Variants in ADAMTSL1 observed in about 807,000 individuals in gnomAD.
The protein encoded by ADAMTSL1 is ADAMTS like 1, also known as ADAMTS-like protein 1.
ADAMTSL1 carries 126 observed loss-of-function variants against 201.8 expected under a neutral mutation model. That is an observed-to-expected ratio of 0.62 (90% confidence interval 0.54 to 0.72). The LOEUF is 0.72. ADAMTSL1 is among the 30% of genes least tolerant of loss of function. ADAMTSL1 has a pLI of 0.00. For synonymous variants in ADAMTSL1, 1,121 were observed against 903.4 expected, an observed-to-expected ratio of 1.24 and a Z score of -4.32; for missense variants, 2,679 against 2,277.8, an observed-to-expected ratio of 1.18 and a Z score of -3.59.
chr9:18,301,117 C>T (rs1418993435), intron 2 of ADAMTSL1, among the ~76,000 whole-genome samples: 1 of 152,028 alleles, frequency 6.6e-6, no homozygotes, highest in East Asian at 1.9e-4. Flanking sequence ...CTTATTTCAT[C>T]AATCCAAGAT....
At chr9:18,024,224 C>T (rs1218354260) in intron 1 of ADAMTSL1, among the ~76,000 whole-genome samples, 1 of 152,058 alleles carries the variant, frequency 6.6e-6, no homozygotes, top group Non-Finnish European at 1.5e-5. Context: ...TTTATATTAA[C>T]ATAAAAGGAA....
chr9:18,460,756 A>ACAACACTTT (rs1055103576), intron 2 of ADAMTSL1, among the ~76,000 whole-genome samples: 6 of 152,214 alleles, frequency 3.9e-5, no homozygotes, highest in Admixed American at 2.6e-4. Context: ...AGCCTCCAAG[A>ACAACACTTT]CAACACTTTT....
At chr9:18,005,992 G>A (rs950738892) in intron 1 of ADAMTSL1, among the ~76,000 whole-genome samples, 1 of 151,814 alleles carries the variant, frequency 6.6e-6, no homozygotes, top group Non-Finnish European at 1.5e-5. Context: ...TCATGTATGT[G>A]TGAATTCCTA....
rs568571985 is a variant in ADAMTSL1 at position 18,697,141 on chromosome 9, C to G, written c.1575-9606C>G. Among the ~76,000 whole-genome samples, 35 of 152,072 alleles carry G rather than the reference C, an allele frequency of 2.3e-4. 1 individual carries two copies. Among genetic ancestry groups the G allele is most frequent in the South Asian group, 2.1e-3 (10 of 4,806 alleles). ...TCGTGATCTGCCCACCTCAGCCCCC[C>G]CAAGTGCTGGGATTACAGGTGTGAG... On this transcript the variant is annotated intron_variant, in intron 13 of 28. Coordinates refer to ENST00000380548, the MANE Select transcript of ADAMTSL1 (RefSeq NM_001040272.6).
intron 26 of ADAMTSL1, among the ~76,000 whole-genome samples, chr9:18,896,695 C>G (rs2131584288): frequency 6.6e-6 from 1 of 152,304 alleles, no homozygotes; most frequent in East Asian, 1.9e-4. Context: ...ACCCAGGAAA[C>G]CACACTTCTC....
rs145488963 is a variant in ADAMTSL1, at chr9:18,554,164, G to GT, written c.238-19856dup. On this transcript the variant is annotated intron_variant, in intron 3 of 28. Transcript: ENST00000380548. ...TTATATCTGCATGTATATGAGTTCT[G>GT]TTTTTTTTTTAAATCTACATGATGA... Among the ~76,000 whole-genome samples, 118 of 145,918 alleles carry GT rather than the reference G, an allele frequency of 8.1e-4. 1 individual carries two copies. Among genetic ancestry groups the GT allele is most frequent in the South Asian group, 3.7e-3 (17 of 4,620 alleles).
At chr9:18,030,218 T>TA (rs1261344294) in intron 1 of ADAMTSL1, among the ~76,000 whole-genome samples, 1 of 149,914 alleles carries the variant, frequency 6.7e-6, no homozygotes, top group Admixed American at 6.7e-5. Flanking sequence ...TATGCAGCCA[T>TA]AAAAAATGAT....
chr9:18,461,416 A>C (rs1003243322), intron 2 of ADAMTSL1, among the ~76,000 whole-genome samples: 3 of 152,144 alleles, frequency 2.0e-5, no homozygotes, highest in African/African-American at 7.2e-5. Flanking sequence ...TGAAATATAT[A>C]TACATTATTG....
chr9:18,362,128 G>A (rs939022625), intron 2 of ADAMTSL1: 3 of 152,184 alleles, frequency 2.0e-5, no homozygotes, highest in African/African-American at 4.8e-5. Context: ...AACAGAAGAT[G>A]ACAGTTCTGA....
chr9:18,373,026 C>G (rs999241634), intron 2 of ADAMTSL1, among the ~76,000 whole-genome samples: 3 of 152,160 alleles, frequency 2.0e-5, no homozygotes, highest in African/African-American at 7.2e-5. Flanking sequence ...CTGAAGGAGG[C>G]TAGCCGCATG....
At chr9:18,906,121 G>A (rs770288335) in intron 27 of ADAMTSL1, among the ~76,000 whole-genome samples, 2 of 152,198 alleles carry the variant, frequency 1.3e-5, no homozygotes, top group Admixed American at 1.3e-4. Context: ...GTGATGAAGA[G>A]TGCAAGGGTG....
intron 1 of ADAMTSL1, among the ~76,000 whole-genome samples, chr9:17,907,977 C>T (rs1309279896): frequency 6.6e-6 from 1 of 152,098 alleles, no homozygotes; most frequent in Non-Finnish European, 1.5e-5. Flanking sequence ...GAGACTTGTC[C>T]AAATAGGGGG....
chr9:18,328,887 A>T (rs1355251870), intron 2 of ADAMTSL1, among the ~76,000 whole-genome samples: 1 of 152,200 alleles, frequency 6.6e-6, no homozygotes, highest in Non-Finnish European at 1.5e-5. Flanking sequence ...GGATGTCCTT[A>T]TGCTTTTAGT....
chr9:18,768,885 T>C (rs1341003121), intron 16 of ADAMTSL1, among the ~76,000 whole-genome samples: 1 of 152,182 alleles, frequency 6.6e-6, no homozygotes, highest in African/African-American at 2.4e-5. Context: ...AACATTCATT[T>C]GTAGAAGTGG....
intron 16 of ADAMTSL1, among the ~76,000 whole-genome samples, chr9:18,764,143 A>AT (rs1820233703): frequency 6.6e-6 from 1 of 152,214 alleles, no homozygotes; most frequent in Non-Finnish European, 1.5e-5. Flanking sequence ...ATATTTTTCC[A>AT]TTTTTTGATG....
At chr9:17,990,243 C>T (rs1231519128) in intron 1 of ADAMTSL1, among the ~76,000 whole-genome samples, 1 of 152,014 alleles carries the variant, frequency 6.6e-6, no homozygotes, top group East Asian at 1.9e-4. Context: ...TTTTATGTAG[C>T]AAGCTCGACC....
chr9:18,751,604 T>C (rs902688766), intron 15 of ADAMTSL1, among the ~76,000 whole-genome samples: 8 of 152,226 alleles, frequency 5.3e-5, no homozygotes, highest in Non-Finnish European at 1.2e-4. Context: ...GGTGTTCTGA[T>C]GGACCCTGCA....
intron 1 of ADAMTSL1, among the ~76,000 whole-genome samples, chr9:18,503,791 CCAGGTTTTAAAAGTTCAAGTA>C (rs1822976478): frequency 1.3e-5 from 2 of 151,996 alleles, no homozygotes; most frequent in Admixed American, 6.6e-5. Flanking sequence ...CATCCTAAGG[CCAGGTTTTAAAAGTTCAAGTA>C]CAGGTTTTAA....
chr9:18,559,729 T>C (rs1821350698), intron 3 of ADAMTSL1, among the ~76,000 whole-genome samples: 1 of 152,216 alleles, frequency 6.6e-6, no homozygotes. Context: ...TTCACATCCC[T>C]TGTAAGTTAT....
Sources: allele counts gnomAD v4.1 joint callset (sites outside exome capture counted in the v4.1 genomes callset), GRCh38; gene constraint gnomAD v4.1.1; transcripts MANE v1.5; gene names NCBI Gene and HGNC (gene_info 2026-07-23, HGNC 2026-07-21).